The following PHKA1 variants were observed in gnomAD, a reference collection of about 807,000 sequenced individuals.
PHKA1 encodes phosphorylase b kinase regulatory subunit alpha, skeletal muscle isoform.
In PHKA1, 60 loss-of-function variants were observed where a neutral mutation model predicts 110.2. The ratio of observed to expected loss-of-function variants is 0.54; its 90% CI spans 0.44 to 0.68. The LOEUF is 0.68. PHKA1 is among the 30% of genes least tolerant of loss of function. The pLI is 0.00. For missense variants in PHKA1, 801 were observed against 942.5 expected, an observed-to-expected ratio of 0.85 and a Z score of 1.97; for synonymous variants, 316 against 333.6, an observed-to-expected ratio of 0.95 and a Z score of 0.58.
At position 72,605,740 on chromosome X, in the gene PHKA1, A is replaced by G. The variant is rs1354026416; in HGVS notation, c.2607-121T>C. On this transcript the variant is annotated intron_variant, in intron 23 of 31. Transcript: ENST00000373542. Reference sequence around the variant, plus strand: ...CTGCCTCAACATTTCATCATTACCAATAGCATTCTGATTCTTTCAAACTTC... The same window carrying G: ...CTGCCTCAACATTTCATCATTACCAGTAGCATTCTGATTCTTTCAAACTTC... The G allele has an allele frequency of 1.1e-5, 6 of 547,211 alleles. No individual in the cohort carries two copies. The Admixed American group carries it at 1.7e-4, about 15-fold the overall frequency. 45.1% of individuals were successfully genotyped at this position (547,211 alleles called of 1,213,427 possible).
rs782302705 is a variant in PHKA1 at position 72,661,589 on chromosome X, A to C, written c.865-3948T>G. Among the ~76,000 whole-genome samples the C allele has an allele frequency of 1.7e-4, 19 of 109,679 alleles. No individual in the cohort carries two copies. The South Asian group carries it at 7.2e-3, about 42-fold the overall frequency. ...GCACATGTGACCTTTGTGAACAGAA[A>C]TGTGCATGTATAATCTGTGTTTACT... On this transcript the variant is annotated intron_variant, in intron 8 of 31. Coordinates refer to ENST00000373542, the MANE Select transcript of PHKA1 (RefSeq NM_002637.4).
chrX:72,593,562 T>G, intron 28 of PHKA1: 1 of 256,027 alleles, frequency 3.9e-6, no homozygotes, highest in Non-Finnish European at 7.1e-6. Flanking sequence ...AGGATGGTCT[T>G]GATCTCCTGA....
intron 14 of PHKA1, among the ~76,000 whole-genome samples, chrX:72,642,061 C>T (rs781803643): frequency 3.6e-5 from 4 of 112,122 alleles, no homozygotes; most frequent in East Asian, 2.8e-4. Context: ...AATGAAAGAA[C>T]GTATCAGGAA....
chrX:72,623,333 A>G, intron 17 of PHKA1, 58 bp from the exon 18 acceptor site: 1 of 944,788 alleles, frequency 1.1e-6, no homozygotes, highest in Non-Finnish European at 1.5e-6. Flanking sequence ...TTTAAACAAC[A>G]CAATCTTAGT....
chrX:72,700,722 A>G (rs1359405819), intron 3 of PHKA1, among the ~76,000 whole-genome samples: 1 of 111,409 alleles, frequency 9.0e-6, no homozygotes, highest in Non-Finnish European at 1.9e-5. Flanking sequence ...AGACGGTTTT[A>G]TAATCAGCTA....
At chrX:72,659,215 T>C (rs1173908558) in intron 8 of PHKA1, among the ~76,000 whole-genome samples, 1 of 111,749 alleles carries the variant, frequency 8.9e-6, no homozygotes, top group Admixed American at 9.5e-5. Flanking sequence ...TATTTTATTG[T>C]TCAAATTTTT....
At chrX:72,685,902 A>C (rs895238331) in intron 4 of PHKA1, among the ~76,000 whole-genome samples, 1 of 112,042 alleles carries the variant, frequency 8.9e-6, no homozygotes, top group Non-Finnish European at 1.9e-5. Context: ...TCACAAAAAC[A>C]GATGTGTTGG....
At chrX:72,701,893 G>A (rs1218807074) in intron 3 of PHKA1, among the ~76,000 whole-genome samples, 1 of 112,017 alleles carries the variant, frequency 8.9e-6, no homozygotes, top group Non-Finnish European at 1.9e-5. Flanking sequence ...GGAAACCGGA[G>A]AGAGAAAAAA....
chrX:72,644,875 A>G (rs2053342312), intron 13 of PHKA1, among the ~76,000 whole-genome samples: 1 of 111,737 alleles, frequency 8.9e-6, no homozygotes, highest in African/African-American at 3.2e-5. Flanking sequence ...CTAAGGTCAG[A>G]GCCAGGTATG....
At chrX:72,638,403 T>A (rs1305806163) in intron 14 of PHKA1, among the ~76,000 whole-genome samples, 1 of 108,289 alleles carries the variant, frequency 9.2e-6, no homozygotes, top group Non-Finnish European at 1.9e-5. Flanking sequence ...CTATGTTGAA[T>A]AGAAGTCTGG....
intron 30 of PHKA1, among the ~76,000 whole-genome samples, chrX:72,583,436 G>A (rs184353303): frequency 2.7e-5 from 3 of 111,746 alleles, no homozygotes; most frequent in East Asian, 2.8e-4. Context: ...TCACTCTTGC[G>A]TAAAGGTAGA....
Position 72,644,378 on chromosome X carries a change from G to A in PHKA1, c.1443C>T (p.His481=). 8.3e-7 allele frequency: 1 copy of A among 1,210,299 alleles called. No individual in the cohort carries two copies. The highest frequency in any genetic ancestry group is 1.1e-6 in the Non-Finnish European group (1 of 894,520). The change falls in exon 14 of 32, where the codon CAC becomes CAT. Residue 481 remains histidine, a synonymous_variant. Transcript: ENST00000373542. The stretch of plus-strand genomic sequence containing the variant: ...TCTCCTTACCTAGGCTGGAATAAAT[G>A]TGGCTGAGAATACGAGCTGGTTGTA... ...IRVQPARILS[H]IYSSLGCNNR...
chrX:72,661,103 T>G (rs1235123701), intron 8 of PHKA1, among the ~76,000 whole-genome samples: 1 of 112,420 alleles, frequency 8.9e-6, no homozygotes, highest in East Asian at 2.8e-4. Flanking sequence ...AAACATTCCA[T>G]GTTTTAATCT....
chrX:72,680,009 G>T (rs889256323), intron 5 of PHKA1, among the ~76,000 whole-genome samples: 6 of 109,018 alleles, frequency 5.5e-5, no homozygotes, highest in Non-Finnish European at 1.1e-4. Context: ...AGTAATAAAA[G>T]AAACTTTTTT....
intron 5 of PHKA1, among the ~76,000 whole-genome samples, chrX:72,678,823 G>A (rs2053809862): frequency 8.9e-6 from 1 of 112,263 alleles, no homozygotes; most frequent in Non-Finnish European, 1.9e-5. Flanking sequence ...AATAGGATGA[G>A]TCCTATGACT....
At chrX:72,604,546 G>T (rs2052701108) in intron 25 of PHKA1, among the ~76,000 whole-genome samples, 1 of 111,696 alleles carries the variant, frequency 9.0e-6, no homozygotes, top group African/African-American at 3.3e-5. Flanking sequence ...TTGATTAAAA[G>T]TCTTTTGGGG....
chrX:72,629,448 C>T (rs1440707400), intron 16 of PHKA1, among the ~76,000 whole-genome samples: 3 of 111,442 alleles, frequency 2.7e-5, no homozygotes, highest in Non-Finnish European at 3.8e-5. Context: ...TGCTATATCT[C>T]CTTTGTCTTT....
chrX:72,673,240 A>C (rs1271382542), intron 6 of PHKA1, among the ~76,000 whole-genome samples: 1 of 111,749 alleles, frequency 8.9e-6, no homozygotes, highest in African/African-American at 3.3e-5. Flanking sequence ...TCACACTGAA[A>C]TATTTAGGAG....
At chrX:72,674,865 G>A (rs187044636) in intron 6 of PHKA1, among the ~76,000 whole-genome samples, 109 of 111,418 alleles carry the variant, frequency 9.8e-4, no homozygotes, top group Non-Finnish European at 1.7e-4. Flanking sequence ...ATAGAAGGAT[G>A]TTTGGTTATG....
Sources: allele counts gnomAD v4.1 joint callset (sites outside exome capture counted in the v4.1 genomes callset), GRCh38; gene constraint gnomAD v4.1.1; transcripts MANE v1.5; gene names NCBI Gene and HGNC (gene_info 2026-07-23, HGNC 2026-07-21).